Variants in MTUS2 observed in about 807,000 individuals in gnomAD.
MTUS2 encodes microtubule associated scaffold protein 2, also known as microtubule-associated tumor suppressor candidate 2.
Under a neutral mutation model 114.1 loss-of-function variants are expected in MTUS2, and 40 were observed. The ratio of observed to expected loss-of-function variants is 0.35; its 90% CI spans 0.27 to 0.46. The LOEUF (loss-of-function observed/expected upper bound fraction) is 0.46, where lower values mean the gene tolerates loss of function less well. MTUS2 is among the 20% of genes least tolerant of loss of function. MTUS2 has a pLI of 1.00. For synonymous variants in MTUS2, 688 were observed against 672.0 expected (o/e 1.02, Z -0.37); for missense variants, 1,679 against 1,705.4 (o/e 0.98, Z 0.27).
At chr13:28,902,928 C>T (rs1045108561) in intron 2 of MTUS2, among the ~76,000 whole-genome samples, 2 of 152,122 alleles carry the variant, frequency 1.3e-5, no homozygotes, top group African/African-American at 4.8e-5. Context: ...GTGGAATTCT[C>T]CAGTGAAATC....
At chr13:29,133,245 G>T (rs1055852990) in intron 5 of MTUS2, among the ~76,000 whole-genome samples, 1 of 152,040 alleles carries the variant, frequency 6.6e-6, no homozygotes, top group Non-Finnish European at 1.5e-5. Context: ...GGAGTTTTCT[G>T]TGTATTCTGG....
intron 6 of MTUS2, among the ~76,000 whole-genome samples, chr13:29,322,003 G>A (rs1210782162): frequency 2.6e-5 from 4 of 152,050 alleles, no homozygotes; most frequent in African/African-American, 9.7e-5. Context: ...ATATGCCACA[G>A]TTCATATAAC....
At chr13:28,825,138 GTGT>G (rs1413279019) in intron 1 of MTUS2, among the ~76,000 whole-genome samples, 25 of 152,174 alleles carry the variant, frequency 1.6e-4, no homozygotes, top group Non-Finnish European at 3.5e-4. Flanking sequence ...ACGAACACTG[GTGT>G]TGTTCTTGGG....
rs181739049 is a variant in MTUS2, at chr13:29,160,757, G to A, written c.2644+59787G>A. On this transcript the variant is annotated intron_variant, in intron 5 of 15. Coordinates refer to ENST00000612955, the MANE Select transcript of MTUS2 (RefSeq NM_001033602.4). ...TGTACTCCAGCCTGGGTGACAGAGC[G>A]AGACTCCGTCTCAAAAAAAAAAAAA... Among the ~76,000 whole-genome samples, 9 of 146,676 alleles carry A rather than the reference G, an allele frequency of 6.1e-5. No homozygotes were observed. The East Asian group carries it at 6.2e-4, about 10-fold the overall frequency.
At chr13:29,351,568 C>T (rs1367088100) in intron 7 of MTUS2, among the ~76,000 whole-genome samples, 2 of 152,024 alleles carry the variant, frequency 1.3e-5, no homozygotes, top group Non-Finnish European at 2.9e-5. Flanking sequence ...CACTATTCTA[C>T]TACAAAGGCC....
In MTUS2 at chr13:28,849,370, T is replaced by A. The variant is rs1161473; in HGVS notation, c.-243+9520T>A. 1.8e-3 allele frequency among the ~76,000 whole-genome samples: 279 copies of A among 152,192 alleles called. 1 individual carries two copies. The highest frequency in any genetic ancestry group is 6.6e-3 in the African/African-American group (272 of 41,512). On this transcript the variant is annotated intron_variant, in intron 2 of 15. Coordinates refer to ENST00000612955, the MANE Select transcript of MTUS2 (RefSeq NM_001033602.4). ...AAGTTATCAACTCTAGCATCAGCTT[T>A]TTTGCAGAGCTGAACAGGCAAAAAC...
chr13:28,905,928 C>G (rs1297937708), intron 2 of MTUS2, among the ~76,000 whole-genome samples: 1 of 151,610 alleles, frequency 6.6e-6, no homozygotes, highest in African/African-American at 2.4e-5. Context: ...GCCACAATTT[C>G]AGAGCCTGTT....
chr13:28,910,964 C>G (rs1425053065), intron 2 of MTUS2, among the ~76,000 whole-genome samples: 1 of 133,884 alleles, frequency 7.5e-6, no homozygotes, highest in East Asian at 2.3e-4. Flanking sequence ...CAAGCTCTGC[C>G]TCCCAGGTTC....
chr13:28,978,878 T>G (rs1012611197), intron 2 of MTUS2, among the ~76,000 whole-genome samples: 11 of 152,212 alleles, frequency 7.2e-5, no homozygotes, highest in African/African-American at 2.2e-4. Flanking sequence ...CAGCTAAGAT[T>G]GGTGGAGTAC....
chr13:28,850,189 AAG>A (rs1397821018), intron 2 of MTUS2, among the ~76,000 whole-genome samples: 1 of 152,244 alleles, frequency 6.6e-6, no homozygotes, highest in Non-Finnish European at 1.5e-5. Context: ...TGGACAAAGA[AAG>A]AGACCTGAAG....
intron 2 of MTUS2, among the ~76,000 whole-genome samples, chr13:28,862,094 A>AC (rs987528168): frequency 6.6e-6 from 1 of 152,094 alleles, no homozygotes; most frequent in African/African-American, 2.4e-5. Context: ...GTCTATAGAT[A>AC]CCCCCTTGGC....
chr13:29,332,094 C>A (rs1900808489), intron 7 of MTUS2, among the ~76,000 whole-genome samples: 1 of 152,122 alleles, frequency 6.6e-6, no homozygotes, highest in Non-Finnish European at 1.5e-5. Flanking sequence ...AGGGAGGAGT[C>A]CTTCTTTTTC....
chr13:28,856,977 T>C (rs1054605793), intron 2 of MTUS2, among the ~76,000 whole-genome samples: 33 of 152,184 alleles, frequency 2.2e-4, no homozygotes, highest in African/African-American at 4.3e-4. Flanking sequence ...TCGTAGCCAC[T>C]GAGTCAAAAC....
chr13:28,924,004 G>C (rs147345032), intron 2 of MTUS2, among the ~76,000 whole-genome samples: 1 of 152,222 alleles, frequency 6.6e-6, no homozygotes, highest in East Asian at 1.9e-4. Flanking sequence ...GATTCCCCTA[G>C]TCACTTATTG....
At chr13:29,411,342 C>T (rs1272138157) in intron 8 of MTUS2, among the ~76,000 whole-genome samples, 1 of 152,148 alleles carries the variant, frequency 6.6e-6, no homozygotes, top group South Asian at 2.1e-4. Context: ...TTTGTCTCAG[C>T]GATTTAAGAT....
rs1363849221 is a variant in MTUS2, at chr13:29,375,626, T to TA, written c.3117+16154dup. Among the ~76,000 whole-genome samples, 7 of 6,696 alleles carry TA rather than the reference T, an allele frequency of 1.0e-3. 2 individuals carry two copies. The highest frequency in any genetic ancestry group is 0.016 in the East Asian group (2 of 128). 4.4% of individuals were successfully genotyped at this position (6,696 alleles called of 152,430 possible). On this transcript the variant is annotated intron_variant, in intron 8 of 15. Coordinates refer to ENST00000612955, the MANE Select transcript of MTUS2 (RefSeq NM_001033602.4). ...ATATATACGTATATATATATATATA[T>TA]ATATATATATATACACACACCATGA...
chr13:29,450,762 A>G (rs1878626586), intron 9 of MTUS2, among the ~76,000 whole-genome samples: 1 of 152,232 alleles, frequency 6.6e-6, no homozygotes, highest in Non-Finnish European at 1.5e-5. Context: ...ATACTATACT[A>G]ACATCAATCA....
intron 5 of MTUS2, among the ~76,000 whole-genome samples, chr13:29,133,200 G>A (rs1891838253): frequency 6.6e-6 from 1 of 151,990 alleles, no homozygotes; most frequent in African/African-American, 2.4e-5. Flanking sequence ...GCCTGTTTTT[G>A]AATGGTATTG....
chr13:28,859,296 G>T (rs1056844382), intron 2 of MTUS2, among the ~76,000 whole-genome samples: 4 of 152,158 alleles, frequency 2.6e-5, no homozygotes, highest in Admixed American at 2.6e-4. Context: ...ATTGTCCCTG[G>T]TTGGATGTCT....
Sources: allele counts gnomAD v4.1 joint callset (sites outside exome capture counted in the v4.1 genomes callset), GRCh38; gene constraint gnomAD v4.1.1; transcripts MANE v1.5; gene names NCBI Gene and HGNC (gene_info 2026-07-23, HGNC 2026-07-21).